Variants in SLMAP observed in about 807,000 individuals in gnomAD.
SLMAP encodes sarcolemmal membrane-associated protein.
Under a neutral mutation model 128.8 loss-of-function variants are expected in SLMAP, and 44 were observed. That is an observed-to-expected ratio of 0.34 (90% CI 0.27 to 0.44). SLMAP has a LOEUF of 0.44. Ranked by LOEUF, SLMAP falls within the 20% of genes least tolerant of loss-of-function variation. The pLI is 1.00. For synonymous variants in SLMAP, 327 were observed against 348.8 expected (o/e 0.94, Z 0.70); for missense variants, 787 against 985.3 (o/e 0.80, Z 2.69).
chr3:57,784,349 G>C (rs973367690), intron 2 of SLMAP, among the ~76,000 whole-genome samples: 3 of 152,184 alleles, frequency 2.0e-5, no homozygotes, highest in African/African-American at 7.2e-5. Flanking sequence ...AGTGGGCCCA[G>C]CCTCTGTCCT....
chr3:57,853,416 A>G (rs751167442), intron 6 of SLMAP, among the ~76,000 whole-genome samples: 1 of 152,154 alleles, frequency 6.6e-6, no homozygotes, highest in African/African-American at 2.4e-5. Context: ...CTCAAGTACT[A>G]TGTTTGAAGT....
chr3:57,875,548 A>G (rs1385778332), intron 14 of SLMAP, among the ~76,000 whole-genome samples: 1 of 152,178 alleles, frequency 6.6e-6, no homozygotes. Flanking sequence ...AAAAGAAAAT[A>G]AGTATTCCCA....
At chr3:57,790,842 ATAAT>A (rs534044998) in intron 2 of SLMAP, among the ~76,000 whole-genome samples, 27 of 152,350 alleles carry the variant, frequency 1.8e-4, no homozygotes, top group African/African-American at 4.8e-4. Context: ...TTTTAAGAAC[ATAAT>A]TAAGTTGCTT....
intron 2 of SLMAP, among the ~76,000 whole-genome samples, chr3:57,792,459 G>A (rs1053221248): frequency 1.3e-5 from 2 of 151,700 alleles, no homozygotes; most frequent in Non-Finnish European, 2.9e-5. Flanking sequence ...TGTGTTTATC[G>A]TTCTTAGTTT....
At chr3:57,905,184 G>C (rs926168749) in intron 17 of SLMAP, among the ~76,000 whole-genome samples, 1 of 152,194 alleles carries the variant, frequency 6.6e-6, no homozygotes, top group African/African-American at 2.4e-5. Context: ...GGTTCTGTGT[G>C]TATGCAGTTG....
At chr3:57,911,059 T>C (rs1270410242) in intron 19 of SLMAP, among the ~76,000 whole-genome samples, 1 of 152,232 alleles carries the variant, frequency 6.6e-6, no homozygotes, top group Non-Finnish European at 1.5e-5. Context: ...TCATTATCCA[T>C]TAATTTACAT....
At chr3:57,923,918 A>G (rs2096958135) in intron 23 of SLMAP, among the ~76,000 whole-genome samples, 1 of 152,258 alleles carries the variant, frequency 6.6e-6, no homozygotes, top group Non-Finnish European at 1.5e-5. Flanking sequence ...CTTGCTGCTT[A>G]GGTAGAAGCC....
chr3:57,780,907 T>G (rs982665907), intron 2 of SLMAP, among the ~76,000 whole-genome samples: 1 of 152,016 alleles, frequency 6.6e-6, no homozygotes, highest in East Asian at 1.9e-4. Context: ...ACTCCCCAAG[T>G]ACTGGGATTA....
chr3:57,864,524 A>G, intron 10 of SLMAP, 24 bp from the exon 11 acceptor site: 1 of 1,527,560 alleles, frequency 6.5e-7, no homozygotes, highest in Non-Finnish European at 8.8e-7. Flanking sequence ...TTTGTTAAAT[A>G]ACTGAATTTT....
chr3:57,889,978 G>T, intron 14 of SLMAP, 63 bp from the exon 15 acceptor site: 2 of 1,156,490 alleles, frequency 1.7e-6, no homozygotes, highest in Non-Finnish European at 1.3e-6. Context: ...GTGTTACACT[G>T]CCCAGCTCAG....
chr3:57,904,726 C>T (rs2096484653), intron 17 of SLMAP, among the ~76,000 whole-genome samples: 2 of 152,014 alleles, frequency 1.3e-5, no homozygotes, highest in Admixed American at 1.3e-4. Flanking sequence ...GGACATTTGG[C>T]AATATCTGGA....
rs1184314570 is a variant in SLMAP, at chr3:57,831,444, G to A, written c.260G>A (p.Arg87Gln). Residue 87 changes from arginine (R) to glutamine (Q), a missense_variant, in exon 3 of 25, where the codon CGA (arginine) becomes CAA (glutamine). Physicochemically the swap from Arg to Gln is conservative, Grantham distance 43. Coordinates refer to ENST00000671191, the MANE Select transcript of SLMAP (RefSeq NM_001377540.1). ...GTFINSQRLS[R>Q]GSEESPPCEI... ...TTTATAAATAGCCAGAGATTGAGTCGAGGCTCTGAAGAAAGTCCACCATGT... is the reference window on the plus strand; with the variant it reads ...TTTATAAATAGCCAGAGATTGAGTCAAGGCTCTGAAGAAAGTCCACCATGT... The A allele has an allele frequency of 3.1e-6, 5 of 1,594,854 alleles. No homozygotes were observed. The African/African-American group carries it at 4.1e-5, about 13-fold the overall frequency.
chr3:57,892,022 G>A (rs551941645), intron 15 of SLMAP, among the ~76,000 whole-genome samples: 1 of 152,232 alleles, frequency 6.6e-6, no homozygotes, highest in African/African-American at 2.4e-5. Flanking sequence ...CCATGTAAAT[G>A]AATAGAATAT....
chr3:57,825,079 T>G (rs1229423288), intron 2 of SLMAP, among the ~76,000 whole-genome samples: 2 of 152,190 alleles, frequency 1.3e-5, no homozygotes, highest in African/African-American at 4.8e-5. Flanking sequence ...GAAACACTGT[T>G]TTTTGTGTGT....
At chr3:57,911,294 T>C (rs2096689095) in intron 19 of SLMAP, among the ~76,000 whole-genome samples, 1 of 152,234 alleles carries the variant, frequency 6.6e-6, no homozygotes, top group South Asian at 2.1e-4. Flanking sequence ...CTCTCAGTCC[T>C]TCCTACAAAC....
intron 9 of SLMAP, 95 bp from the exon 10 acceptor site, chr3:57,861,854 T>G: frequency 9.2e-7 from 1 of 1,085,996 alleles, no homozygotes; most frequent in South Asian, 1.4e-5. Flanking sequence ...GAATAGTCCA[T>G]AGAATTATAC....
intron 17 of SLMAP, among the ~76,000 whole-genome samples, chr3:57,904,268 A>G (rs2096470912): frequency 6.6e-6 from 1 of 152,216 alleles, no homozygotes; most frequent in Non-Finnish European, 1.5e-5. Flanking sequence ...CCAAAAAACT[A>G]CAAATCTTAG....
In SLMAP at chr3:57,927,500, A is replaced by G; in HGVS notation, c.*211A>G. ...CTTTACCTCTTAAAACAGCAGAAGT[A>G]CAAGAATACAGCTGTAGGGTCATTG... On this transcript the variant is annotated 3_prime_UTR_variant, in exon 25 of 25. Coordinates refer to ENST00000671191, the MANE Select transcript of SLMAP (RefSeq NM_001377540.1). 3.9e-6 allele frequency: 2 copies of G among 516,232 alleles called. No homozygotes were observed. The highest frequency in any genetic ancestry group is 7.1e-6 in the Non-Finnish European group (2 of 281,862). 32.0% of individuals were successfully genotyped at this position (516,232 alleles called of 1,614,324 possible). A position where few individuals can be genotyped will look rare whatever the true frequency, so the allele number is the denominator to read the frequency against.
At chr3:57,839,358 T>C (rs1175140777) in intron 3 of SLMAP, among the ~76,000 whole-genome samples, 1 of 152,112 alleles carries the variant, frequency 6.6e-6, no homozygotes, top group Non-Finnish European at 1.5e-5. Flanking sequence ...ATGACAGTCA[T>C]ATTACTTCAT....
Sources: allele counts gnomAD v4.1 joint callset (sites outside exome capture counted in the v4.1 genomes callset), GRCh38; gene constraint gnomAD v4.1.1; transcripts MANE v1.5; gene names NCBI Gene and HGNC (gene_info 2026-07-23, HGNC 2026-07-21).